HADH: variants seen among roughly 807,000 people sequenced by gnomAD.
The protein encoded by HADH is hydroxyacyl-CoA dehydrogenase.
A neutral mutation model predicts 32.2 loss-of-function variants in HADH; 24 were observed. The ratio of observed to expected loss-of-function variants is 0.75; its 90% CI spans 0.54 to 1.05. The LOEUF is 1.05. HADH is among the 50% of genes least tolerant of loss of function. HADH has a pLI of 0.00. For synonymous variants in HADH, 139 were observed against 152.5 expected, an observed-to-expected ratio of 0.91 and a Z score of 0.65; for missense variants, 350 against 397.1, an observed-to-expected ratio of 0.88 and a Z score of 1.01.
At chr4:107,996,982 C>G (rs1480994190) in intron 1 of HADH, among the ~76,000 whole-genome samples, 2 of 151,948 alleles carry the variant, frequency 1.3e-5, no homozygotes, top group Non-Finnish European at 2.9e-5. Context: ...TTGTTGAAGT[C>G]AGGGAAGACA....
chr4:108,017,396 A>G (rs1346526551), intron 3 of HADH, among the ~76,000 whole-genome samples: 1 of 152,108 alleles, frequency 6.6e-6, no homozygotes, highest in African/African-American at 2.4e-5. Flanking sequence ...TGTCTTCTTT[A>G]TACTAGGGTC....
At chr4:108,004,709 A>G in intron 1 of HADH, 11 of 1,530,566 alleles carry the variant, frequency 7.2e-6, no homozygotes, top group Non-Finnish European at 9.6e-6. Flanking sequence ...TCTTTCAAGA[A>G]AGGAATGAAG....
intron 1 of HADH, chr4:108,004,784 C>G (rs1401124187): frequency 6.5e-7 from 1 of 1,535,766 alleles, no homozygotes; most frequent in African/African-American, 1.4e-5. Context: ...ATGTGTAGGA[C>G]AGCCTTAGGA....
intron 4 of HADH, among the ~76,000 whole-genome samples, chr4:108,022,467 C>T (rs563897038): frequency 1.3e-5 from 2 of 152,136 alleles, no homozygotes; most frequent in Non-Finnish European, 2.9e-5. Context: ...GCAGGCCCCG[C>T]TTGCTGTAAA....
Position 107,990,031 on chromosome 4 carries a change from C to T in HADH, c.99C>T (p.Ile33=), listed in dbSNP as rs74428123. ...TAATCGTCAAGCACGTGACGGTCAT[C>T]GGCGGCGGGCTGATGGGCGCCGGCA... ...KKIIVKHVTV[I]GGGLMGAGIA... The change falls in exon 1 of 8, where the codon ATC becomes ATT. Residue 33 remains isoleucine, a synonymous_variant. Coordinates refer to ENST00000309522, the MANE Select transcript of HADH (RefSeq NM_005327.7). The T allele has an allele frequency of 1.2e-6, 2 of 1,611,126 alleles. No individual in the cohort carries two copies. Among genetic ancestry groups the T allele is most frequent in the Non-Finnish European group, 8.5e-7 (1 of 1,179,224 alleles).
chr4:108,019,698 C>T (rs377007645), intron 4 of HADH, 32 bp downstream of exon 4: 54 of 1,612,834 alleles, frequency 3.3e-5, no homozygotes, highest in Non-Finnish European at 4.0e-5. Flanking sequence ...TGTGTCTGCC[C>T]GCTCTGCCAG....
intron 6 of HADH, chr4:108,029,051 T>C: frequency 2.5e-6 from 1 of 396,340 alleles, no homozygotes; most frequent in Admixed American, 4.4e-5. Flanking sequence ...TCCCTCTGCT[T>C]CTTTTTCCAC....
At chr4:108,021,553 T>A (rs1010952427) in intron 4 of HADH, among the ~76,000 whole-genome samples, 5 of 152,178 alleles carry the variant, frequency 3.3e-5, no homozygotes, top group Admixed American at 1.3e-4. Flanking sequence ...TTTTTCAGAC[T>A]CTGTTGGAAC....
At chr4:108,015,227 T>C (rs570583976) in intron 3 of HADH, among the ~76,000 whole-genome samples, 1 of 152,316 alleles carries the variant, frequency 6.6e-6, no homozygotes, top group Admixed American at 6.5e-5. Flanking sequence ...TTAAAGGTTG[T>C]ACTAATTTAC....
At chr4:108,012,936 TTC>T (rs1388037492) in intron 2 of HADH, among the ~76,000 whole-genome samples, 2 of 152,234 alleles carry the variant, frequency 1.3e-5, no homozygotes, top group African/African-American at 2.4e-5. Context: ...GTCCCTTATA[TTC>T]TTTTTTGTTG....
chr4:108,008,314 G>T (rs1337298824), intron 1 of HADH, among the ~76,000 whole-genome samples: 1 of 152,172 alleles, frequency 6.6e-6, no homozygotes, highest in Non-Finnish European at 1.5e-5. Context: ...GGTCCTGGGA[G>T]CGTTTTCATG....
At chr4:108,000,329 G>T (rs1480179801) in intron 1 of HADH, among the ~76,000 whole-genome samples, 2 of 152,202 alleles carry the variant, frequency 1.3e-5, no homozygotes, top group Non-Finnish European at 2.9e-5. Context: ...AGAAGAAAAG[G>T]TTGGTATGGT....
chr4:108,010,008 T>C (rs1735434802), intron 2 of HADH, 121 bp downstream of exon 2: 1 of 720,004 alleles, frequency 1.4e-6, no homozygotes, highest in Non-Finnish European at 2.4e-6. Flanking sequence ...TTTGTTAGTG[T>C]AAAACTCATT....
chr4:107,990,592 T>C (rs1734752798), intron 1 of HADH, among the ~76,000 whole-genome samples: 1 of 152,200 alleles, frequency 6.6e-6, no homozygotes, highest in African/African-American at 2.4e-5. Context: ...TGCTAGGTTG[T>C]AAAGAATAGT....
At chr4:108,012,783 G>C (rs1735544436) in intron 2 of HADH, among the ~76,000 whole-genome samples, 2 of 152,230 alleles carry the variant, frequency 1.3e-5, no homozygotes, top group South Asian at 4.1e-4. Flanking sequence ...ATTACAGCTA[G>C]CAGATATTGA....
chr4:108,028,664 T>C (rs1367106774), intron 6 of HADH: 5 of 391,612 alleles, frequency 1.3e-5, no homozygotes, highest in African/African-American at 2.1e-5. Flanking sequence ...CCAACAGTTC[T>C]GGTTTATCTA....
intron 6 of HADH, chr4:108,032,593 A>G (rs577960546): frequency 1.1e-4 from 49 of 463,630 alleles, no homozygotes; most frequent in African/African-American, 3.1e-4. Context: ...GAAAATCCCA[A>G]TGTATTTGAA....
intron 1 of HADH, chr4:108,004,624 A>G: frequency 6.7e-7 from 1 of 1,496,766 alleles, no homozygotes; most frequent in Non-Finnish European, 8.9e-7. Flanking sequence ...CAGGAGGAGT[A>G]ACTGGAAGCC....
rs1023692340 is a variant in HADH, at chr4:108,021,555, T to C, written c.546+1889T>C. On this transcript the variant is annotated intron_variant, in intron 4 of 7. Transcript: ENST00000309522. ...TATATATGTATTTTTTTTCAGACTC[T>C]GTTGGAACTAGGAGCAGCGTATCTG... is the stretch of plus-strand genomic sequence containing the variant. Among the ~76,000 whole-genome samples the C allele has an allele frequency of 7.2e-5, 11 of 152,342 alleles. No individual in the cohort carries two copies. The East Asian group carries it at 2.1e-3, about 29-fold the overall frequency.
Sources: gnomAD v4.1 joint callset for allele counts (sites outside exome capture counted in the v4.1 genomes callset) on GRCh38, gnomAD v4.1.1 for gene constraint, MANE v1.5 for transcripts, NCBI Gene and HGNC (gene_info 2026-07-23, HGNC 2026-07-21) for gene names.